The following ZWILCH variants were observed in gnomAD, a reference collection of about 807,000 sequenced individuals.
ZWILCH encodes the protein protein zwilch homolog.
A neutral mutation model predicts 79.9 loss-of-function variants in ZWILCH; 74 were observed. That is an observed-to-expected ratio of 0.93 (90% confidence interval 0.77 to 1.12). The LOEUF is 1.12. Among genes scored for constraint, ZWILCH ranks in the 50% most tolerant of loss-of-function variants. The probability of loss-of-function intolerance (pLI) is 0.00; values close to 1 mark genes in which losing one functional copy is unlikely to be tolerated. For missense variants in ZWILCH, 694 were observed against 687.5 expected, an observed-to-expected ratio of 1.01 and a Z score of -0.11; for synonymous variants, 241 against 228.2, an observed-to-expected ratio of 1.06 and a Z score of -0.51.
chr15:66,529,071 C>A, intron 11 of ZWILCH, 114 bp downstream of exon 11: 1 of 757,718 alleles, frequency 1.3e-6, no homozygotes, highest in Middle Eastern at 2.6e-4. Context: ...TGGTTCTTAA[C>A]TTTATCTAAT....
chr15:66,508,482 G>C (rs1159206905), intron 1 of ZWILCH, among the ~76,000 whole-genome samples: 2 of 152,156 alleles, frequency 1.3e-5, no homozygotes, highest in African/African-American at 4.8e-5. Flanking sequence ...TTTTTACTTT[G>C]AAAGGTCATG....
chr15:66,521,397 T>C (rs1049753382), intron 7 of ZWILCH, among the ~76,000 whole-genome samples, 192 bp downstream of exon 7: 1 of 152,186 alleles, frequency 6.6e-6, no homozygotes, highest in Non-Finnish European at 1.5e-5. Flanking sequence ...TGATCTGATC[T>C]ATCAGTTGCC....
chr15:66,529,661 G>A, intron 12 of ZWILCH, 88 bp downstream of exon 12: 1 of 987,280 alleles, frequency 1.0e-6, no homozygotes, highest in Non-Finnish European at 1.6e-6. Context: ...GCCTGAGTCT[G>A]AATTTCAGCT....
At chr15:66,530,334 G>A (rs981182990) in intron 12 of ZWILCH, among the ~76,000 whole-genome samples, 6 of 152,118 alleles carry the variant, frequency 3.9e-5, no homozygotes, top group Admixed American at 2.6e-4. Context: ...CTGGTGGAAG[G>A]GTTACAAATG....
intron 17 of ZWILCH, among the ~76,000 whole-genome samples, chr15:66,545,577 T>C (rs1486817402): frequency 6.6e-6 from 1 of 152,204 alleles, no homozygotes; most frequent in Non-Finnish European, 1.5e-5. Context: ...ACTCCTTTTA[T>C]GAAAATAAGG....
In ZWILCH at chr15:66,523,746, C is replaced by G; in HGVS notation, c.817C>G (p.Leu273Val). ...TCTCTACAGAGAACTGAAATTTCTTCTTGTGAGTATCCTTCTAGAATTCCT... is the reference window on the plus strand; with the variant it reads ...TCTCTACAGAGAACTGAAATTTCTTGTTGTGAGTATCCTTCTAGAATTCCT... ...NHLYRELKFL[L>V]VLADGLRTGV... The change falls in exon 8 of 19, where the codon CTT becomes GTT. Residue 273 changes from leucine to valine, a missense_variant and splice_region_variant. Leu to Val is a conservative substitution (Grantham distance 32). Coordinates refer to ENST00000307897, the MANE Select transcript of ZWILCH (RefSeq NM_017975.5). 6.2e-7 allele frequency: 1 copy of G among 1,603,232 alleles called. No individual in the cohort carries two copies. Among genetic ancestry groups the G allele is most frequent in the Non-Finnish European group, 8.5e-7 (1 of 1,171,448 alleles).
Position 66,527,280 on chromosome 15 carries a change from TCTC to T in ZWILCH, c.820-7_820-5del, listed in dbSNP as rs757573064. The T allele has an allele frequency of 6.2e-6, 10 of 1,610,662 alleles. No homozygotes were observed. The South Asian group carries it at 1.0e-4, about 16-fold the overall frequency. On this transcript the variant is annotated splice_region_variant and splice_polypyrimidine_tract_variant and intron_variant, in intron 8 of 18. Transcript: ENST00000307897. ...CTAACAAGTTTTTGGGGTTTTTAAA[TCTC>T]CTGTAGGTTTTGGCTGATGGTTTGA...
chr15:66,513,640 C>G (rs540228863), intron 2 of ZWILCH, among the ~76,000 whole-genome samples: 7 of 151,498 alleles, frequency 4.6e-5, no homozygotes, highest in African/African-American at 1.7e-4. Flanking sequence ...GGCACGATCT[C>G]GGCTCACTGC....
intron 4 of ZWILCH, among the ~76,000 whole-genome samples, chr15:66,516,476 G>C (rs552075868): frequency 6.6e-6 from 1 of 151,850 alleles, no homozygotes; most frequent in Non-Finnish European, 1.5e-5. Flanking sequence ...CTTCATGCTG[G>C]TTTTTACTTG....
At chr15:66,513,539 T>G (rs2140746204) in intron 2 of ZWILCH, among the ~76,000 whole-genome samples, 1 of 151,970 alleles carries the variant, frequency 6.6e-6, no homozygotes. Context: ...GAATAGCCAT[T>G]GCACTCCAGC....
At chr15:66,507,379 A>G (rs572651078) in intron 1 of ZWILCH, among the ~76,000 whole-genome samples, 7 of 152,132 alleles carry the variant, frequency 4.6e-5, no homozygotes, top group South Asian at 4.2e-4. Flanking sequence ...TCCTCCATCC[A>G]TGCTCTTTTC....
chr15:66,521,135 C>A lies in ZWILCH; in HGVS notation c.677C>A (p.Ala226Asp). 1 of 1,614,134 alleles carries A rather than the reference C, an allele frequency of 6.2e-7. No individual in the cohort carries two copies. The highest frequency in any genetic ancestry group is 1.3e-5 in the African/African-American group (1 of 75,050). ...ATCACAGCATCACAAACTGCGATCGCTTTGGATATTTCCTGGAGTCCTGTG... is the reference window on the plus strand; with the variant it reads ...ATCACAGCATCACAAACTGCGATCGATTTGGATATTTCCTGGAGTCCTGTG... Reference protein sequence around the residue: ...DTITASQTAIALDISWSPVDE... With the variant: ...DTITASQTAIDLDISWSPVDE... Residue 226 changes from alanine to aspartate, a missense_variant, in exon 7 of 19, where the codon GCT (alanine) becomes GAT (aspartate). By Grantham distance (126) the Ala-to-Asp change is moderately radical. Transcript: ENST00000307897.
intron 1 of ZWILCH, among the ~76,000 whole-genome samples, chr15:66,506,783 C>T (rs1893840430): frequency 6.6e-6 from 1 of 152,092 alleles, no homozygotes; most frequent in South Asian, 2.1e-4. Flanking sequence ...GGAGGCCAGC[C>T]TGGGCAGCGT....
At chr15:66,510,980 G>A (rs1188153103) in intron 2 of ZWILCH, among the ~76,000 whole-genome samples, 1 of 152,140 alleles carries the variant, frequency 6.6e-6, no homozygotes, top group African/African-American at 2.4e-5. Flanking sequence ...CACATTTATA[G>A]GAACTGGAGG....
In ZWILCH at chr15:66,520,590, C is replaced by G; in HGVS notation, c.521C>G (p.Ala174Gly). ...CATTTCTTTCTTTCATTTCCTATAG[C>G]TGATAAAAATTATTCTGTAAATCTT... is the stretch of plus-strand genomic sequence containing the variant. Reference protein sequence around the residue: ...GIVLYVVSCKADKNYSVNLEN... With the variant: ...GIVLYVVSCKGDKNYSVNLEN... Residue 174 changes from alanine (A) to glycine (G), a missense_variant and splice_region_variant, in exon 6 of 19, where the codon GCT (alanine) becomes GGT (glycine). By Grantham distance (60) the Ala-to-Gly change is moderately conservative (BLOSUM62 0). Coordinates refer to ENST00000307897, the MANE Select transcript of ZWILCH (RefSeq NM_017975.5). The G allele has an allele frequency of 3.5e-6, 5 of 1,441,838 alleles. No homozygotes were observed. Among genetic ancestry groups the G allele is most frequent in the Non-Finnish European group, 4.8e-6 (5 of 1,033,292 alleles). The allele number at this position is 1,441,838 out of a possible 1,614,324, so 89.3% of individuals were successfully genotyped here.
At chr15:66,506,906 G>C (rs1893849413) in intron 1 of ZWILCH, among the ~76,000 whole-genome samples, 1 of 151,332 alleles carries the variant, frequency 6.6e-6, no homozygotes, top group Non-Finnish European at 1.5e-5. Context: ...TGCCAGGCTG[G>C]AGTGCAGTGG....
intron 7 of ZWILCH, chr15:66,523,277 T>A (rs1181602272): frequency 6.2e-6 from 1 of 161,884 alleles, no homozygotes; most frequent in Non-Finnish European, 1.3e-5. Flanking sequence ...AGGAGTCTAA[T>A]AAACAGATTT....
At chr15:66,532,207 A>G (rs770308423) in intron 12 of ZWILCH, 40 bp from the exon 13 acceptor site, 18 of 1,467,942 alleles carry the variant, frequency 1.2e-5, no homozygotes, top group Non-Finnish European at 1.6e-5. Context: ...GTTTATTTAT[A>G]TATTTATTCA....
intron 14 of ZWILCH, among the ~76,000 whole-genome samples, chr15:66,534,317 C>T (rs1221717824): frequency 1.3e-5 from 2 of 152,024 alleles, no homozygotes; most frequent in African/African-American, 2.4e-5. Context: ...TATGCAAATA[C>T]TATACTATTT....
Sources: gnomAD v4.1 joint callset for allele counts (sites outside exome capture counted in the v4.1 genomes callset) on GRCh38, gnomAD v4.1.1 for gene constraint, MANE v1.5 for transcripts, NCBI Gene and HGNC (gene_info 2026-07-23, HGNC 2026-07-21) for gene names.